The following NELL2 variants were observed in gnomAD, a reference collection of about 807,000 sequenced individuals.
The protein encoded by NELL2 is neural EGFL like 2.
Under a neutral mutation model 109.6 loss-of-function variants are expected in NELL2, and 41 were observed. The ratio of observed to expected loss-of-function variants is 0.37; its 90% CI spans 0.29 to 0.49. The LOEUF is 0.49. Ranked by LOEUF, NELL2 falls within the 20% of genes least tolerant of loss-of-function variation. NELL2 has a pLI of 0.98. For missense variants in NELL2, 900 were observed against 1,008.3 expected, an observed-to-expected ratio of 0.89 and a Z score of 1.45; for synonymous variants, 355 against 344.7, an observed-to-expected ratio of 1.03 and a Z score of -0.33.
chr12:44,761,204 G>T (rs1361176708), intron 9 of NELL2, among the ~76,000 whole-genome samples: 2 of 151,936 alleles, frequency 1.3e-5, no homozygotes, highest in African/African-American at 4.8e-5. Flanking sequence ...TCTACTAAAA[G>T]TACAAAATGA....
intron 2 of NELL2, among the ~76,000 whole-genome samples, chr12:44,870,321 A>G (rs1445831151): frequency 1.3e-5 from 2 of 152,152 alleles, no homozygotes; most frequent in Non-Finnish European, 2.9e-5. Flanking sequence ...GGCTTTTTCT[A>G]TCATGCTCCT....
At chr12:44,631,407 T>C (rs180702346) in intron 13 of NELL2, among the ~76,000 whole-genome samples, 2 of 152,064 alleles carry the variant, frequency 1.3e-5, no homozygotes, top group Admixed American at 6.6e-5. Flanking sequence ...CTAAATGCTA[T>C]AAAGAATACT....
intron 15 of NELL2, among the ~76,000 whole-genome samples, chr12:44,595,473 C>T (rs898376447): frequency 6.6e-6 from 1 of 152,158 alleles, no homozygotes; most frequent in Admixed American, 6.5e-5. Flanking sequence ...GTCGCCCAGG[C>T]TGGAGTGCAG....
intron 15 of NELL2, among the ~76,000 whole-genome samples, chr12:44,562,478 C>A (rs1943502546): frequency 6.6e-6 from 1 of 152,058 alleles, no homozygotes; most frequent in African/African-American, 2.4e-5. Flanking sequence ...AAGAAAAAAA[C>A]AAACAACCCC....
At chr12:44,517,533 C>A (rs902068280) in intron 19 of NELL2, among the ~76,000 whole-genome samples, 2 of 152,066 alleles carry the variant, frequency 1.3e-5, no homozygotes, top group African/African-American at 2.4e-5. Context: ...GTAAATTACC[C>A]AAGCTCAAGT....
At chr12:44,762,608 ACT>A (rs745950473) in intron 9 of NELL2, among the ~76,000 whole-genome samples, 1 of 152,208 alleles carries the variant, frequency 6.6e-6, no homozygotes, top group Admixed American at 6.5e-5. Flanking sequence ...TCATAGTATG[ACT>A]CTCTGCACAG....
At chr12:44,575,033 T>C (rs114890470) in intron 15 of NELL2, among the ~76,000 whole-genome samples, 9,489 of 152,216 alleles carry the variant, frequency 0.062, 926 homozygotes, top group African/African-American at 0.22. Context: ...ACATGTATTT[T>C]ACTTACACAT....
chr12:44,586,643 C>G (rs1944517087), intron 15 of NELL2, among the ~76,000 whole-genome samples: 1 of 152,188 alleles, frequency 6.6e-6, no homozygotes, highest in Non-Finnish European at 1.5e-5. Flanking sequence ...AAGCAATTTC[C>G]TCTCTTATAA....
chr12:44,621,918 G>A (rs943873902), intron 13 of NELL2, among the ~76,000 whole-genome samples: 7 of 148,316 alleles, frequency 4.7e-5, no homozygotes, highest in East Asian at 4.4e-4. Context: ...CCTGGTTCAC[G>A]TAGCGCTTCA....
rs527579219 is a variant in NELL2, at chr12:44,771,761, A to T, written c.994+2986T>A. On this transcript the variant is annotated intron_variant, in intron 9 of 19. Transcript: ENST00000429094. ...CAGAACAACAACCATCTTGCTATTCATCAGTATTTATATTCAGATAACGAG... is the reference window on the plus strand; with the variant it reads ...CAGAACAACAACCATCTTGCTATTCTTCAGTATTTATATTCAGATAACGAG... Among the ~76,000 whole-genome samples, 10 of 152,344 alleles carry T rather than the reference A, an allele frequency of 6.6e-5. No individual in the cohort carries two copies. In the South Asian group the frequency reaches 8.3e-4, roughly 13 times the overall value.
intron 15 of NELL2, among the ~76,000 whole-genome samples, chr12:44,584,550 G>T (rs1471212184): frequency 6.6e-6 from 1 of 152,172 alleles, no homozygotes; most frequent in Admixed American, 6.5e-5. Flanking sequence ...CAGTTGTTCT[G>T]TTTGGCAAGG....
rs1005481641 is a variant in NELL2 at position 44,659,281 on chromosome 12, C to T, written c.1444+6203G>A. ...TAGGCAATACCATTCAGGACATAGGCATGGGCAAAGACTTCATGACTAAAA... is the reference window on the plus strand; with the variant it reads ...TAGGCAATACCATTCAGGACATAGGTATGGGCAAAGACTTCATGACTAAAA... On this transcript the variant is annotated intron_variant, in intron 13 of 19. Transcript: ENST00000429094. Among the ~76,000 whole-genome samples the T allele has an allele frequency of 2.0e-5, 3 of 152,166 alleles. 1 individual carries two copies. Among genetic ancestry groups the T allele is most frequent in the African/African-American group, 7.2e-5 (3 of 41,428 alleles).
chr12:44,836,253 G>A (rs1944050733), intron 2 of NELL2, among the ~76,000 whole-genome samples: 1 of 152,220 alleles, frequency 6.6e-6, no homozygotes, highest in South Asian at 2.1e-4. Context: ...CATTAGCACA[G>A]TGAATTCCAA....
At chr12:44,917,614 C>T (rs543185735), upstream of NELL2, among the ~76,000 whole-genome samples, 10 of 152,100 alleles carry the variant, frequency 6.6e-5, no homozygotes, top group African/African-American at 2.2e-4. Context: ...TGCTTCTAAT[C>T]GATAGAATAT....
chr12:44,724,527 A>G (rs1005094986), intron 9 of NELL2, among the ~76,000 whole-genome samples: 3 of 152,090 alleles, frequency 2.0e-5, no homozygotes, highest in Non-Finnish European at 4.4e-5. Flanking sequence ...AGAATAAAAC[A>G]TCTAAGAATA....
intron 2 of NELL2, among the ~76,000 whole-genome samples, chr12:44,869,173 A>G (rs981266947): frequency 6.6e-6 from 1 of 152,180 alleles, no homozygotes; most frequent in Non-Finnish European, 1.5e-5. Flanking sequence ...ATGGTAAGGC[A>G]GATAAAGATG....
chr12:44,675,580 T>C (rs186414464), intron 12 of NELL2, among the ~76,000 whole-genome samples: 104 of 152,250 alleles, frequency 6.8e-4, no homozygotes, highest in African/African-American at 2.1e-3. Flanking sequence ...TTCGGAATCA[T>C]AGATTTTTAG....
chr12:44,604,527 ATTTATT>A, intron 15 of NELL2, among the ~76,000 whole-genome samples: 1 of 152,172 alleles, frequency 6.6e-6, no homozygotes, highest in Non-Finnish European at 1.5e-5. Flanking sequence ...TCATGTGTGC[ATTTATT>A]TATTCACCAA....
chr12:44,882,887 C>G (rs933072928), intron 1 of NELL2, among the ~76,000 whole-genome samples: 18 of 132,824 alleles, frequency 1.4e-4, no homozygotes, highest in Admixed American at 4.3e-4. Context: ...GTCACCCAGA[C>G]TGTAGCGTAG....
Sources: allele counts gnomAD v4.1 joint callset (sites outside exome capture counted in the v4.1 genomes callset), GRCh38; gene constraint gnomAD v4.1.1; transcripts MANE v1.5; gene names NCBI Gene and HGNC (gene_info 2026-07-23, HGNC 2026-07-21).